Variants in ASB3 observed in about 807,000 individuals in gnomAD.
ASB3 encodes ankyrin repeat and SOCS box protein 3.
In ASB3, 41 loss-of-function variants were observed where a neutral mutation model predicts 54.5. That is an observed-to-expected ratio of 0.75 (90% CI 0.59 to 0.98). ASB3 has a LOEUF of 0.98. ASB3 is among the 50% of genes least tolerant of loss of function. ASB3 has a pLI of 0.00. For synonymous variants in ASB3, 266 were observed against 221.2 expected, an observed-to-expected ratio of 1.20 and a Z score of -1.80; for missense variants, 733 against 620.0, an observed-to-expected ratio of 1.18 and a Z score of -1.94.
At chr2:53,755,151 A>G (rs1299717484) in intron 2 of ASB3, among the ~76,000 whole-genome samples, 1 of 152,258 alleles carries the variant, frequency 6.6e-6, no homozygotes, top group East Asian at 1.9e-4. Flanking sequence ...GACAAACACA[A>G]TGAGCACTTC....
chr2:53,767,790 C>G lies in ASB3; in HGVS notation c.-13-2205G>C, dbSNP rs142715854. 617 of 1,482,152 alleles carry G rather than the reference C, an allele frequency of 4.2e-4. 6 individuals are homozygous for G. The African/African-American group carries it at 8.1e-3, about 19-fold the overall frequency. 91.8% of individuals were successfully genotyped at this position (1,482,152 alleles called of 1,614,324 possible). A position where few individuals can be genotyped will look rare whatever the true frequency, so the allele number is the denominator to read the frequency against. On this transcript the variant is annotated intron_variant, in intron 1 of 9. Coordinates refer to ENST00000263634, the MANE Select transcript of ASB3 (RefSeq NM_016115.5). ...CCCAAGTGGCCATCGCGCCTGCGCCCCGCGCGGCCGGTTACTCGCTTACCG... is the reference window on the plus strand; with the variant it reads ...CCCAAGTGGCCATCGCGCCTGCGCCGCGCGCGGCCGGTTACTCGCTTACCG...
chr2:53,770,900 C>T (rs981689875), intron 1 of ASB3, among the ~76,000 whole-genome samples: 1 of 152,174 alleles, frequency 6.6e-6, no homozygotes, highest in East Asian at 1.9e-4. Context: ...CCTTGAAGCA[C>T]CATTACCATA....
chr2:53,761,034 G>A (rs527923349), intron 2 of ASB3, among the ~76,000 whole-genome samples: 2 of 152,282 alleles, frequency 1.3e-5, no homozygotes, highest in Admixed American at 1.3e-4. Flanking sequence ...ACAGCAGGAA[G>A]CACTTAAGAG....
intron 3 of ASB3, among the ~76,000 whole-genome samples, chr2:53,743,296 C>T (rs748530821): frequency 3.3e-5 from 5 of 151,724 alleles, no homozygotes; most frequent in Middle Eastern, 3.4e-3. Context: ...TGAGCAACAG[C>T]GCCCAGCCAA....
chr2:53,774,001 C>T (rs1337267458), intron 1 of ASB3: 5 of 946,618 alleles, frequency 5.3e-6, no homozygotes, highest in African/African-American at 1.7e-5. Flanking sequence ...TGCCACTGCA[C>T]CACAGCCTGG....
chr2:53,774,182 A>G lies in ASB3; in HGVS notation c.-13-8597T>C, dbSNP rs779500943. ...GTTGCTTACAGATTGCCAGTAGGAA[A>G]GGAAGAAGAAGTAAAAGCATACCTT... On this transcript the variant is annotated intron_variant, in intron 1 of 9. Transcript: ENST00000263634. The G allele has an allele frequency of 5.2e-5, 84 of 1,612,362 alleles. No homozygotes were observed. Among genetic ancestry groups the G allele is most frequent in the Non-Finnish European group, 6.8e-5 (80 of 1,179,426 alleles).
chr2:53,671,407 G>C (rs1667811071), intron 9 of ASB3, among the ~76,000 whole-genome samples: 1 of 147,534 alleles, frequency 6.8e-6, no homozygotes, highest in Non-Finnish European at 1.5e-5. Flanking sequence ...TATCTGGCAA[G>C]GCAGTGCAGC....
intron 1 of ASB3, chr2:53,767,801 G>A: frequency 6.6e-7 from 1 of 1,513,100 alleles, no homozygotes; most frequent in Non-Finnish European, 8.9e-7. Flanking sequence ...CGCGCGGCCG[G>A]TTACTCGCTT....
At chr2:53,774,358 C>G in intron 1 of ASB3, 1 of 1,613,338 alleles carries the variant, frequency 6.2e-7, no homozygotes, top group Non-Finnish European at 8.5e-7. Context: ...CATTGCTGAA[C>G]AAATTTTTAA....
chr2:53,726,534 T>C lies in ASB3; in HGVS notation c.604+2178A>G, dbSNP rs934831545. On this transcript the variant is annotated intron_variant, in intron 5 of 9. Transcript: ENST00000263634. The stretch of plus-strand genomic sequence containing the variant: ...CCTTGGCCTCCCAAAGTGTTGGGAT[T>C]ACAGGCATGAGGCACTGCACCTGGC... 2.0e-5 allele frequency among the ~76,000 whole-genome samples: 3 copies of C among 151,654 alleles called. 1 individual carries two copies. Among genetic ancestry groups the C allele is most frequent in the African/African-American group, 7.3e-5 (3 of 41,240 alleles).
At chr2:53,756,162 T>A (rs1306266317) in intron 2 of ASB3, among the ~76,000 whole-genome samples, 1 of 151,670 alleles carries the variant, frequency 6.6e-6, no homozygotes, top group African/African-American at 2.4e-5. Context: ...TAAGACCCCA[T>A]CTCTTTAAAA....
intron 3 of ASB3, among the ~76,000 whole-genome samples, chr2:53,746,301 TA>T (rs1322783693): frequency 6.6e-6 from 1 of 151,690 alleles, no homozygotes; most frequent in Non-Finnish European, 1.5e-5. Flanking sequence ...CATCAAAAAA[TA>T]AAAAAAGGTA....
At chr2:53,722,068 C>T (rs1186094989) in intron 5 of ASB3, among the ~76,000 whole-genome samples, 3 of 151,678 alleles carry the variant, frequency 2.0e-5, no homozygotes, top group Non-Finnish European at 4.4e-5. Flanking sequence ...CCTCAATGCA[C>T]GCAAATGAGA....
At chr2:53,740,012 C>A (rs777312953) in intron 3 of ASB3, among the ~76,000 whole-genome samples, 1 of 152,110 alleles carries the variant, frequency 6.6e-6, no homozygotes, top group East Asian at 1.9e-4. Context: ...GACAATAATT[C>A]TAAAAAATGA....
At chr2:53,760,333 TG>T (rs749204758) in intron 2 of ASB3, among the ~76,000 whole-genome samples, 1 of 152,182 alleles carries the variant, frequency 6.6e-6, no homozygotes, top group Non-Finnish European at 1.5e-5. Flanking sequence ...AGATTATTTT[TG>T]GCTCTACAGA....
chr2:53,688,108 C>T (rs778046007), intron 9 of ASB3, among the ~76,000 whole-genome samples: 1 of 152,228 alleles, frequency 6.6e-6, no homozygotes, highest in Non-Finnish European at 1.5e-5. Flanking sequence ...TAAGCCACCA[C>T]GCCTGGCCTA....
intron 3 of ASB3, among the ~76,000 whole-genome samples, chr2:53,746,784 C>T (rs1365171410): frequency 6.6e-6 from 1 of 152,038 alleles, no homozygotes; most frequent in Admixed American, 6.6e-5. Flanking sequence ...CTGGCCCTTC[C>T]ACATTATGTT....
intron 1 of ASB3, chr2:53,774,419 A>C (rs770856317): frequency 1.2e-6 from 2 of 1,612,608 alleles, no homozygotes; most frequent in South Asian, 2.2e-5. Flanking sequence ...GAACTTGCAA[A>C]TTCTATTAGG....
Position 53,670,489 on chromosome 2 carries a change from G to A in ASB3, c.*14C>T. 4 of 1,610,270 alleles carry A rather than the reference G, an allele frequency of 2.5e-6. No homozygotes were observed. Among genetic ancestry groups the A allele is most frequent in the Non-Finnish European group, 3.4e-6 (4 of 1,179,194 alleles). ...CAGAGAAAAAAATTAGCTGTGTTAAGTAGTTTCACTGATTTATCCATCTTG... is the reference window on the plus strand; with the variant it reads ...CAGAGAAAAAAATTAGCTGTGTTAAATAGTTTCACTGATTTATCCATCTTG... On this transcript the variant is annotated 3_prime_UTR_variant, in exon 10 of 10. Coordinates refer to ENST00000263634, the MANE Select transcript of ASB3 (RefSeq NM_016115.5).
Sources: gnomAD v4.1 joint callset for allele counts (sites outside exome capture counted in the v4.1 genomes callset) on GRCh38, gnomAD v4.1.1 for gene constraint, MANE v1.5 for transcripts, NCBI Gene and HGNC (gene_info 2026-07-23, HGNC 2026-07-21) for gene names.